Variants in AKT3 observed in about 807,000 individuals in gnomAD.
The protein encoded by AKT3 is RAC-gamma serine/threonine-protein kinase.
AKT3 carries 15 observed loss-of-function variants against 65.3 expected under a neutral mutation model. The ratio of observed to expected loss-of-function variants is 0.23; its 90% CI spans 0.15 to 0.35. AKT3 has a LOEUF of 0.35. Among genes scored for constraint, AKT3 ranks in the 10% least tolerant of loss-of-function variants. AKT3 has a pLI of 1.00. For missense variants in AKT3, 243 were observed against 576.5 expected (o/e 0.42, Z 5.92); for synonymous variants, 206 against 183.8 (o/e 1.12, Z -0.98).
intron 2 of AKT3, among the ~76,000 whole-genome samples, chr1:243,750,742 T>G (rs768449748): frequency 6.6e-6 from 1 of 151,860 alleles, no homozygotes; most frequent in Non-Finnish European, 1.5e-5. Context: ...CCATCACACC[T>G]GGCTAATTTT....
chr1:243,754,744 C>T (rs554772607), intron 2 of AKT3, among the ~76,000 whole-genome samples: 2 of 152,278 alleles, frequency 1.3e-5, no homozygotes, highest in South Asian at 4.1e-4. Context: ...AGTTTCATCC[C>T]AAAACCGTCC....
chr1:243,586,664 G>A (rs188760449), intron 8 of AKT3, among the ~76,000 whole-genome samples: 2 of 152,236 alleles, frequency 1.3e-5, no homozygotes, highest in African/African-American at 4.8e-5. Flanking sequence ...TTATAAGTAG[G>A]AGCTAATCAA....
intron 2 of AKT3, among the ~76,000 whole-genome samples, chr1:243,795,476 G>GT (rs11440720): frequency 7.3e-5 from 8 of 109,864 alleles, no homozygotes; most frequent in African/African-American, 1.4e-4. Flanking sequence ...TTTTTTTTTG[G>GT]TTTTTTTTTT....
At chr1:243,727,380 AC>A (rs934886485) in intron 2 of AKT3, among the ~76,000 whole-genome samples, 1 of 152,044 alleles carries the variant, frequency 6.6e-6, no homozygotes, top group Non-Finnish European at 1.5e-5. Flanking sequence ...CACAGCCTTG[AC>A]CTCCTGACTC....
chr1:243,671,129 A>G (rs973841807), intron 3 of AKT3, among the ~76,000 whole-genome samples: 5 of 140,154 alleles, frequency 3.6e-5, no homozygotes, highest in African/African-American at 1.4e-4. Context: ...CCCAGGCTGG[A>G]GTGCAGTGGC....
intron 11 of AKT3, among the ~76,000 whole-genome samples, chr1:243,549,424 C>A (rs1274739732): frequency 1.3e-5 from 2 of 152,010 alleles, no homozygotes; most frequent in African/African-American, 4.8e-5. Flanking sequence ...CTGAACAATT[C>A]CATAAATATT....
At chr1:243,632,761 G>A (rs926327234) in intron 6 of AKT3, among the ~76,000 whole-genome samples, 6 of 152,172 alleles carry the variant, frequency 3.9e-5, no homozygotes, top group Admixed American at 1.3e-4. Context: ...CAGCTTCTGT[G>A]TCAGCACTTG....
At chr1:243,667,671 T>C (rs1373169118) in intron 3 of AKT3, among the ~76,000 whole-genome samples, 1 of 152,208 alleles carries the variant, frequency 6.6e-6, no homozygotes, top group African/African-American at 2.4e-5. Flanking sequence ...AGAAATCTTC[T>C]TAAAATGAAG....
chr1:243,776,368 A>G (rs1471603080), intron 2 of AKT3, among the ~76,000 whole-genome samples: 1 of 152,170 alleles, frequency 6.6e-6, no homozygotes, highest in African/African-American at 2.4e-5. Context: ...CTAGTGTGAT[A>G]TTTGAAATGA....
At chr1:243,697,801 G>A (rs1161032994) in intron 2 of AKT3, among the ~76,000 whole-genome samples, 1 of 151,990 alleles carries the variant, frequency 6.6e-6, no homozygotes, top group Non-Finnish European at 1.5e-5. Context: ...ATTTCCATCA[G>A]TGACAGCATA....
In AKT3 at chr1:243,500,026, G is replaced by A; in HGVS notation, c.*5223C>T. 1 of 563,394 alleles carries A rather than the reference G, an allele frequency of 1.8e-6. No individual in the cohort carries two copies. The highest frequency in any genetic ancestry group is 3.2e-6 in the Non-Finnish European group (1 of 316,796). 34.9% of individuals were successfully genotyped at this position (563,394 alleles called of 1,614,324 possible). A position where few individuals can be genotyped will look rare whatever the true frequency, so the allele number is the denominator to read the frequency against. On this transcript the variant is annotated 3_prime_UTR_variant, in exon 14 of 14. Transcript: ENST00000673466. The stretch of plus-strand genomic sequence containing the variant: ...TTTCAGAAATGGCTTGAAGTTATGT[G>A]TTTAAATCTGCTCATTCGTATGCTA...
intron 1 of AKT3, 94 bp from the exon 2 acceptor site, chr1:243,843,376 G>A: frequency 3.3e-6 from 4 of 1,218,934 alleles, no homozygotes; most frequent in Non-Finnish European, 4.2e-6. Flanking sequence ...GTCTTCAACT[G>A]GCCTGACCTC....
At chr1:243,638,770 T>A (rs1208961149) in intron 5 of AKT3, among the ~76,000 whole-genome samples, 1 of 152,048 alleles carries the variant, frequency 6.6e-6, no homozygotes, top group African/African-American at 2.4e-5. Context: ...ATCATTTATC[T>A]AAAGTAAACG....
At chr1:243,569,144 C>A (rs1192836123) in intron 9 of AKT3, among the ~76,000 whole-genome samples, 1 of 152,168 alleles carries the variant, frequency 6.6e-6, no homozygotes, top group Non-Finnish European at 1.5e-5. Flanking sequence ...CTACTCTGCA[C>A]ATTGCAAGTT....
chr1:243,493,207 G>A (rs919601232), intron 13 of AKT3, among the ~76,000 whole-genome samples: 1 of 126,762 alleles, frequency 7.9e-6, no homozygotes, highest in Non-Finnish European at 1.6e-5. Flanking sequence ...GCTGGGGGAG[G>A]CTGAAACCTT....
chr1:243,562,840 G>A (rs1163038132), intron 10 of AKT3, among the ~76,000 whole-genome samples: 4 of 152,054 alleles, frequency 2.6e-5, no homozygotes, highest in South Asian at 2.1e-4. Flanking sequence ...ACATAGTGGA[G>A]AATAAACTAG....
intron 2 of AKT3, among the ~76,000 whole-genome samples, chr1:243,783,710 T>C (rs1357693260): frequency 6.6e-6 from 1 of 152,210 alleles, no homozygotes; most frequent in Admixed American, 6.5e-5. Context: ...TTCTGACTGC[T>C]TGAATAGTCT....
At chr1:243,562,829 T>C (rs1177130015) in intron 10 of AKT3, among the ~76,000 whole-genome samples, 2 of 152,160 alleles carry the variant, frequency 1.3e-5, no homozygotes, top group Non-Finnish European at 1.5e-5. Context: ...TGAGACCTCA[T>C]ACATAGTGGA....
chr1:243,737,381 C>T (rs545162252), intron 2 of AKT3, among the ~76,000 whole-genome samples: 10 of 152,190 alleles, frequency 6.6e-5, no homozygotes, highest in Admixed American at 2.6e-4. Flanking sequence ...TTGTTATTCC[C>T]TGACTCCTAA....
Sources: gnomAD v4.1 joint callset for allele counts (sites outside exome capture counted in the v4.1 genomes callset) on GRCh38, gnomAD v4.1.1 for gene constraint, MANE v1.5 for transcripts, NCBI Gene and HGNC (gene_info 2026-07-23, HGNC 2026-07-21) for gene names.